Variants in HIPK2 observed in about 807,000 individuals in gnomAD.
HIPK2 encodes homeodomain interacting protein kinase 2, also known as homeodomain-interacting protein kinase 2.
HIPK2 carries 27 observed loss-of-function variants against 113.7 expected under a neutral mutation model. The observed-to-expected ratio is 0.24, with a 90% confidence interval of 0.17 to 0.33. The LOEUF is 0.33. Ranked by LOEUF, HIPK2 falls within the 10% of genes least tolerant of loss-of-function variation. The probability of loss-of-function intolerance (pLI) is 1.00; values close to 1 mark genes in which losing one functional copy is unlikely to be tolerated. For missense variants in HIPK2, 1,257 were observed against 1,588.0 expected, an observed-to-expected ratio of 0.79 and a Z score of 3.54; for synonymous variants, 631 against 642.2, an observed-to-expected ratio of 0.98 and a Z score of 0.26.
chr7:139,706,508 A>C (rs1360603534), intron 2 of HIPK2, among the ~76,000 whole-genome samples: 1 of 152,184 alleles, frequency 6.6e-6, no homozygotes, highest in South Asian at 2.1e-4. Flanking sequence ...CACTCATTCC[A>C]CTGATGAGCC....
chr7:139,734,410 TA>T (rs1795879758), intron 1 of HIPK2, among the ~76,000 whole-genome samples: 1 of 152,194 alleles, frequency 6.6e-6, no homozygotes, highest in East Asian at 1.9e-4. Flanking sequence ...CTCTGGTGAC[TA>T]AAATTGGAAG....
At chr7:139,620,077 T>C (rs1018781507) in intron 7 of HIPK2, among the ~76,000 whole-genome samples, 9 of 152,114 alleles carry the variant, frequency 5.9e-5, no homozygotes, top group Non-Finnish European at 8.8e-5. Flanking sequence ...CTAGAATTCT[T>C]TACCAGGCAC....
intron 10 of HIPK2, among the ~76,000 whole-genome samples, chr7:139,603,459 GC>G (rs1799509313): frequency 6.6e-6 from 1 of 152,168 alleles, no homozygotes; most frequent in African/African-American, 2.4e-5. Flanking sequence ...GGAAACAGAT[GC>G]AGGGGGTATG....
At chr7:139,650,487 T>C (rs1801420895) in intron 2 of HIPK2, among the ~76,000 whole-genome samples, 1 of 151,636 alleles carries the variant, frequency 6.6e-6, no homozygotes, top group Admixed American at 6.6e-5. Flanking sequence ...TTTTAAACTA[T>C]TCTCAGGGTT....
chr7:139,602,248 C>T (rs1040674173), intron 10 of HIPK2, among the ~76,000 whole-genome samples: 1 of 152,054 alleles, frequency 6.6e-6, no homozygotes, highest in African/African-American at 2.4e-5. Context: ...CCACTGCATC[C>T]GACCAAGAAA....
chr7:139,777,507 G>C, intron 1 of HIPK2, 98 bp downstream of exon 1: 1 of 411,296 alleles, frequency 2.4e-6, no homozygotes. Context: ...GCTGGGGCAG[G>C]CGCCGGGGGC....
At chr7:139,635,709 T>C (rs778576393) in intron 2 of HIPK2, among the ~76,000 whole-genome samples, 6 of 152,152 alleles carry the variant, frequency 3.9e-5, no homozygotes, top group Non-Finnish European at 7.4e-5. Context: ...AGGCCTCTGA[T>C]GCTGCGAAAG....
At chr7:139,738,609 C>A (rs1193771331) in intron 1 of HIPK2, among the ~76,000 whole-genome samples, 2 of 152,028 alleles carry the variant, frequency 1.3e-5, no homozygotes, top group Admixed American at 6.6e-5. Flanking sequence ...GGCACACACA[C>A]AACAACCAAA....
intron 2 of HIPK2, among the ~76,000 whole-genome samples, chr7:139,713,537 G>A (rs1033835740): frequency 2.6e-5 from 4 of 152,218 alleles, no homozygotes; most frequent in African/African-American, 7.2e-5. Flanking sequence ...CAGCTTACTC[G>A]ATTCACCAAG....
chr7:139,730,532 T>A (rs1331470422), intron 1 of HIPK2, among the ~76,000 whole-genome samples: 1 of 152,154 alleles, frequency 6.6e-6, no homozygotes, highest in Non-Finnish European at 1.5e-5. Context: ...GGCTAATTTT[T>A]GTATTTTTAG....
At chr7:139,750,402 C>A (rs943009869) in intron 1 of HIPK2, among the ~76,000 whole-genome samples, 24 of 152,206 alleles carry the variant, frequency 1.6e-4, no homozygotes, top group Non-Finnish European at 2.9e-5. Context: ...GGAATCTACC[C>A]TCAAATGATC....
chr7:139,751,845 T>C (rs560625468), intron 1 of HIPK2, among the ~76,000 whole-genome samples: 32 of 152,226 alleles, frequency 2.1e-4, no homozygotes, highest in African/African-American at 7.7e-4. Context: ...GAGAAACATG[T>C]TGAGAAATTC....
chr7:139,647,384 T>C (rs1215559671), intron 2 of HIPK2, among the ~76,000 whole-genome samples: 1 of 152,196 alleles, frequency 6.6e-6, no homozygotes, highest in Non-Finnish European at 1.5e-5. Context: ...AATACACAGA[T>C]GTTTGCTGAA....
rs551279808 is a variant in HIPK2, at chr7:139,597,109, G to A, written c.2436-111C>T. The stretch of plus-strand genomic sequence containing the variant: ...GCTTTGCCAAATCTCTGTAAAACAC[G>A]TCAGTGGCTGCCCAATGAGCCTCCA... On this transcript the variant is annotated intron_variant, in intron 11 of 14. Coordinates refer to ENST00000406875, the MANE Select transcript of HIPK2 (RefSeq NM_022740.5). The A allele has an allele frequency of 6.8e-5, 80 of 1,172,236 alleles. No homozygotes were observed. In the African/African-American group the frequency reaches 8.6e-4, roughly 13 times the overall value. The allele number at this position is 1,172,236 out of a possible 1,614,324, so 72.6% of individuals were successfully genotyped here.
intron 12 of HIPK2, among the ~76,000 whole-genome samples, chr7:139,586,769 A>C (rs1366608102): frequency 6.6e-6 from 1 of 152,162 alleles, no homozygotes; most frequent in African/African-American, 2.4e-5. Context: ...CAAAAAAAAA[A>C]AGTTCTGATA....
chr7:139,674,084 T>A (rs1802408214), intron 2 of HIPK2, among the ~76,000 whole-genome samples: 2 of 149,102 alleles, frequency 1.3e-5, no homozygotes, highest in African/African-American at 2.5e-5. Context: ...AAAAGAAAAA[T>A]TTGCTGACTT....
chr7:139,691,755 T>G (rs1361622848), intron 2 of HIPK2, among the ~76,000 whole-genome samples: 1 of 152,214 alleles, frequency 6.6e-6, no homozygotes, highest in African/African-American at 2.4e-5. Context: ...ACAGGGCAGA[T>G]TCTCAGTTTC....
intron 1 of HIPK2, among the ~76,000 whole-genome samples, chr7:139,769,429 G>A (rs149168213): frequency 1.4e-3 from 209 of 152,234 alleles, no homozygotes; most frequent in African/African-American, 4.8e-3. Context: ...TGATAATATC[G>A]GTCCCCTTCT....
chr7:139,597,401 G>A (rs1799261202), intron 11 of HIPK2, among the ~76,000 whole-genome samples: 1 of 152,164 alleles, frequency 6.6e-6, no homozygotes, highest in African/African-American at 2.4e-5. Context: ...TCCCTTCAAA[G>A]GTACTTAAGT....
Sources: allele counts gnomAD v4.1 joint callset (sites outside exome capture counted in the v4.1 genomes callset), GRCh38; gene constraint gnomAD v4.1.1; transcripts MANE v1.5; gene names NCBI Gene and HGNC (gene_info 2026-07-23, HGNC 2026-07-21).